Variants in CFHR3 observed in about 807,000 individuals in gnomAD.
CFHR3 encodes complement factor H-related protein 3.
CFHR3 carries 22 observed loss-of-function variants against 36.0 expected under a neutral mutation model. That is an observed-to-expected ratio of 0.61 (90% CI 0.44 to 0.87). The LOEUF is 0.87. Among genes scored for constraint, CFHR3 ranks in the 40% least tolerant of loss-of-function variants. CFHR3 has a pLI of 0.00. For missense variants in CFHR3, 276 were observed against 401.3 expected (o/e 0.69, Z 2.67); for synonymous variants, 97 against 137.4 (o/e 0.71, Z 2.06).
chr1:196,787,948 C>A (rs1227972624), intron 3 of CFHR3, among the ~76,000 whole-genome samples: 1 of 136,774 alleles, frequency 7.3e-6, no homozygotes, highest in African/African-American at 3.1e-5. Context: ...TCTCCTAGAT[C>A]TGCACTCCTC....
chr1:196,789,809 T>C lies in CFHR3; in HGVS notation c.614-236T>C, dbSNP rs1340054952. 23 of 1,206,564 alleles carry C rather than the reference T, an allele frequency of 1.9e-5. 3 individuals carry two copies. The highest frequency in any genetic ancestry group is 2.2e-5 in the South Asian group (1 of 44,800). The allele number at this position is 1,206,564 out of a possible 1,614,324, so 74.7% of individuals were successfully genotyped here. A position where few individuals can be genotyped will look rare whatever the true frequency, so the allele number is the denominator to read the frequency against. On this transcript the variant is annotated intron_variant, in intron 4 of 5. Coordinates refer to ENST00000367425, the MANE Select transcript of CFHR3 (RefSeq NM_021023.6). ...TATTAGAATTAAATAAAATAATAAA[T>C]AGACACCTACATATGTATATGTACA...
Position 196,790,492 on chromosome 1 carries a change from C to T in CFHR3, c.796+265C>T, listed in dbSNP as rs769033288. ...CTGTAGTCCCAGCACTTTGGAAGGCCGAGGCAGGCAGACCATGAGGTCAGG... is the reference window on the plus strand; with the variant it reads ...CTGTAGTCCCAGCACTTTGGAAGGCTGAGGCAGGCAGACCATGAGGTCAGG... On this transcript the variant is annotated intron_variant, in intron 5 of 5. Coordinates refer to ENST00000367425, the MANE Select transcript of CFHR3 (RefSeq NM_021023.6). 1.4e-4 allele frequency among the ~76,000 whole-genome samples: 19 copies of T among 134,858 alleles called. 4 individuals carry two copies. The highest frequency in any genetic ancestry group is 5.2e-4 in the South Asian group (2 of 3,882). 88.5% of individuals were successfully genotyped at this position (134,858 alleles called of 152,430 possible).
At position 196,793,385 on chromosome 1, in the gene CFHR3, A is replaced by G; in HGVS notation, c.865A>G (p.Lys289Glu). 6.6e-7 allele frequency: 1 copy of G among 1,526,074 alleles called. No individual in the cohort carries two copies. The highest frequency in any genetic ancestry group is 8.9e-7 in the Non-Finnish European group (1 of 1,128,288). 94.5% of individuals were successfully genotyped at this position (1,526,074 alleles called of 1,614,324 possible). The change falls in exon 6 of 6, where the codon AAA becomes GAA. Residue 289 changes from lysine (K) to glutamate (E), a missense_variant. Physicochemically the swap from Lys to Glu is moderately conservative, Grantham distance 56. This residue lies in a region of CFHR3 where 76 missense variants were observed against 79.8 expected (regional missense o/e 0.95). Transcript: ENST00000367425. ...NIKLKGRSDR[K>E]YYAKTGDTIE... ...AAAGTTAAAAGGAAGAAGTGACAGA[A>G]AATATTATGCAAAAACAGGGGATAC... is the stretch of plus-strand genomic sequence containing the variant.
intron 5 of CFHR3, among the ~76,000 whole-genome samples, chr1:196,790,677 T>C (rs529724248): frequency 5.3e-5 from 7 of 132,660 alleles, no homozygotes; most frequent in Non-Finnish European, 1.1e-4. Flanking sequence ...TGAGTGGAGA[T>C]TGCACCATTG....
In CFHR3 at chr1:196,788,419, C is replaced by T. The variant is rs768156112; in HGVS notation, c.613+21C>T. 15 of 1,521,428 alleles carry T rather than the reference C, an allele frequency of 9.9e-6. 6 individuals carry two copies. In the African/African-American group the frequency reaches 1.5e-4, roughly 15 times the overall value. The allele number at this position is 1,521,428 out of a possible 1,614,324, so 94.2% of individuals were successfully genotyped here. A position where few individuals can be genotyped will look rare whatever the true frequency, so the allele number is the denominator to read the frequency against. On this transcript the variant is annotated intron_variant, in intron 4 of 5. Coordinates refer to ENST00000367425, the MANE Select transcript of CFHR3 (RefSeq NM_021023.6). ...CATTAGTAAGTGATTTACATATTCC[C>T]ATTCAGTTTCTGTCAACTTCGTTCC...
In CFHR3 at chr1:196,779,844, G is replaced by T; in HGVS notation, c.301G>T (p.Gly101Ter). The change falls in exon 3 of 6, where the codon GGA (glycine) becomes TGA (stop). Residue 101 changes from glycine to a stop codon, truncating the protein, a stop_gained. Coordinates refer to ENST00000367425, the MANE Select transcript of CFHR3 (RefSeq NM_021023.6). LOFTEE classifies it high-confidence loss of function. The part of the protein sequence containing the change: ...YLENGYNQNY[G>*]RKFVQGNSTE... The stretch of plus-strand genomic sequence containing the variant: ...GGAAAATGGATATAATCAAAATTAT[G>T]GAAGAAAGTTTGTACAGGGTAACTC... 6.5e-7 allele frequency: 1 copy of T among 1,531,864 alleles called. No homozygotes were observed. The highest frequency in any genetic ancestry group is 1.7e-5 in the Admixed American group (1 of 58,066). The allele number at this position is 1,531,864 out of a possible 1,614,324, so 94.9% of individuals were successfully genotyped here. A position where few individuals can be genotyped will look rare whatever the true frequency, so the allele number is the denominator to read the frequency against.
At position 196,787,928 on chromosome 1, in the gene CFHR3, G is replaced by A. The variant is rs1251456101; in HGVS notation, c.431-288G>A. Among the ~76,000 whole-genome samples the A allele has an allele frequency of 1.5e-5, 2 of 136,740 alleles. 1 individual carries two copies. Among genetic ancestry groups the A allele is most frequent in the Non-Finnish European group, 3.1e-5 (2 of 64,600 alleles). 89.7% of individuals were successfully genotyped at this position (136,740 alleles called of 152,430 possible). ...GAAAGTCTTCCAAAATTTCATTAGG[G>A]ACTGGAGAGTCTCCTAGATCTGCAC... On this transcript the variant is annotated intron_variant, in intron 3 of 5. Coordinates refer to ENST00000367425, the MANE Select transcript of CFHR3 (RefSeq NM_021023.6).
intron 5 of CFHR3, among the ~76,000 whole-genome samples, chr1:196,790,752 AT>A (rs1654397265): frequency 2.6e-5 from 2 of 75,666 alleles, no homozygotes; most frequent in African/African-American, 1.5e-4. Context: ...AAATAAATAA[AT>A]AAATAAATAA....
rs1331077633 is a variant in CFHR3, at chr1:196,790,676, A to T, written c.796+449A>T. On this transcript the variant is annotated intron_variant, in intron 5 of 5. Transcript: ENST00000367425. ...GAGGCAGAGGTTGCAGTGAGTGGAG[A>T]TTGCACCATTGCCCTCCAGCCTGGG... 1.5e-5 allele frequency among the ~76,000 whole-genome samples: 2 copies of T among 134,284 alleles called. 1 individual carries two copies. The highest frequency in any genetic ancestry group is 3.1e-5 in the Non-Finnish European group (2 of 63,910). 88.1% of individuals were successfully genotyped at this position (134,284 alleles called of 152,430 possible).
Position 196,788,646 on chromosome 1 carries a change from C to A in CFHR3, c.613+248C>A, listed in dbSNP as rs1301712783. On this transcript the variant is annotated intron_variant, in intron 4 of 5. Coordinates refer to ENST00000367425, the MANE Select transcript of CFHR3 (RefSeq NM_021023.6). ...TACATAAAAGCAATCTTATCATGTA[C>A]AGACTAGTTAGGGAGCTGCATGAGA... 15 of 1,416,622 alleles carry A rather than the reference C, an allele frequency of 1.1e-5. 4 individuals are homozygous for A. The African/African-American group carries it at 2.3e-4, about 21-fold the overall frequency. The allele number at this position is 1,416,622 out of a possible 1,614,324, so 87.8% of individuals were successfully genotyped here. A position where few individuals can be genotyped will look rare whatever the true frequency, so the allele number is the denominator to read the frequency against.
intron 5 of CFHR3, among the ~76,000 whole-genome samples, chr1:196,791,214 A>C (rs1237275595): frequency 1.5e-5 from 2 of 136,144 alleles, no homozygotes; most frequent in African/African-American, 6.2e-5. Flanking sequence ...CTTATACCAG[A>C]ATCAAAATGA....
At chr1:196,788,933 T>G in intron 4 of CFHR3, 1 of 1,383,660 alleles carries the variant, frequency 7.2e-7, no homozygotes. Context: ...AGAAAACAAG[T>G]AAAGGAAAAG....
intron 1 of CFHR3, 148 bp downstream of exon 1, chr1:196,775,092 C>A: frequency 1.5e-6 from 1 of 664,950 alleles, no homozygotes; most frequent in Non-Finnish European, 2.4e-6. Flanking sequence ...GAGAGTATAA[C>A]AGAAATTAAT....
intron 1 of CFHR3, among the ~76,000 whole-genome samples, chr1:196,778,863 G>C (rs868739402): frequency 2.2e-5 from 3 of 137,030 alleles, no homozygotes; most frequent in Non-Finnish European, 4.6e-5. Context: ...AATTGCTAAA[G>C]AGACCATACT....
chr1:196,782,215 A>G (rs1310151229), intron 3 of CFHR3, among the ~76,000 whole-genome samples: 1 of 136,730 alleles, frequency 7.3e-6, no homozygotes, highest in Non-Finnish European at 1.5e-5. Flanking sequence ...GCCTTGTAGT[A>G]TAGTTTGAAG....
intron 3 of CFHR3, among the ~76,000 whole-genome samples, chr1:196,781,813 C>A (rs1653962276): frequency 7.4e-6 from 1 of 135,152 alleles, no homozygotes; most frequent in South Asian, 2.6e-4. Flanking sequence ...TTAATTAGAT[C>A]CCATTTGTCA....
chr1:196,779,691 G>A, intron 2 of CFHR3, 106 bp from the exon 3 acceptor site: 1 of 1,333,952 alleles, frequency 7.5e-7, no homozygotes, highest in East Asian at 2.5e-5. Flanking sequence ...ATTTTTGGAT[G>A]TTTATGCGAT....
chr1:196,790,232 G>A lies in CFHR3; in HGVS notation c.796+5G>A. On this transcript the variant is annotated splice_donor_5th_base_variant and intron_variant, in intron 5 of 5. Coordinates refer to ENST00000367425, the MANE Select transcript of CFHR3 (RefSeq NM_021023.6). ...CGGAACCACCAAGATGCATACGTAA[G>A]TTCTTAAAATTCTAGATCCTGAGAA... 8.0e-7 allele frequency: 1 copy of A among 1,254,460 alleles called. No homozygotes were observed. The highest frequency in any genetic ancestry group is 1.1e-6 in the Non-Finnish European group (1 of 938,560). The allele number at this position is 1,254,460 out of a possible 1,614,324, so 77.7% of individuals were successfully genotyped here.
intron 1 of CFHR3, among the ~76,000 whole-genome samples, chr1:196,778,132 T>C (rs435153): frequency 0.28 from 38,047 of 134,514 alleles, 10,783 homozygotes; most frequent in East Asian, 0.51. Context: ...GATTTAGATT[T>C]TCCAATATGG....
Sources: gnomAD v4.1 joint callset for allele counts (sites outside exome capture counted in the v4.1 genomes callset) on GRCh38, gnomAD v4.1.1 for gene constraint, gnomAD v4.1.1 regional missense constraint, MANE v1.5 for transcripts, NCBI Gene and HGNC (gene_info 2026-07-23, HGNC 2026-07-21) for gene names.